The following AXIN1 variants were observed in gnomAD, a reference collection of about 807,000 sequenced individuals.
AXIN1 encodes the protein axin 1, also known as axin-1.
Under a neutral mutation model 76.4 loss-of-function variants are expected in AXIN1, and 30 were observed. That is an observed-to-expected ratio of 0.39 (90% CI 0.29 to 0.53). AXIN1 has a LOEUF of 0.53. AXIN1 is among the 20% of genes least tolerant of loss of function. The pLI is 0.66. For synonymous variants in AXIN1, 545 were observed against 501.4 expected, an observed-to-expected ratio of 1.09 and a Z score of -1.16; for missense variants, 1,140 against 1,198.8, an observed-to-expected ratio of 0.95 and a Z score of 0.72.
chr16:307,908 C>T lies in AXIN1; in HGVS notation c.1116+2065G>A, dbSNP rs572323901. 7.9e-5 allele frequency among the ~76,000 whole-genome samples: 12 copies of T among 152,334 alleles called. No homozygotes were observed. In the South Asian group the frequency reaches 1.4e-3, roughly 18 times the overall value. ...CCCAGTAGCAGCAGTGAGCAGGCCCCGGGCAGCTGTGCCCGTGATGTGGGT... is the reference window on the plus strand; with the variant it reads ...CCCAGTAGCAGCAGTGAGCAGGCCCTGGGCAGCTGTGCCCGTGATGTGGGT... On this transcript the variant is annotated intron_variant, in intron 4 of 10. Coordinates refer to ENST00000262320, the MANE Select transcript of AXIN1 (RefSeq NM_003502.4).
intron 5 of AXIN1, among the ~76,000 whole-genome samples, chr16:299,906 C>A (rs184141539): frequency 6.6e-6 from 1 of 152,068 alleles, no homozygotes; most frequent in Non-Finnish European, 1.5e-5. Flanking sequence ...CTGCCCACCT[C>A]GGCCTCCCAA....
At chr16:331,968 G>A (rs893671187) in intron 2 of AXIN1, among the ~76,000 whole-genome samples, 1 of 152,178 alleles carries the variant, frequency 6.6e-6, no homozygotes. Flanking sequence ...CTAAGGGCCC[G>A]ACCCTGACTA....
At chr16:294,817 C>G (rs1567262563) in intron 7 of AXIN1, among the ~76,000 whole-genome samples, 1 of 147,538 alleles carries the variant, frequency 6.8e-6, no homozygotes, top group Non-Finnish European at 1.5e-5. Flanking sequence ...AATCCCAGCA[C>G]TTTGGGAGGC....
rs1401880264 is a variant in AXIN1 at position 288,193 on chromosome 16, C to A, written c.2518G>T (p.Val840Phe). 4 of 1,613,756 alleles carry A rather than the reference C, an allele frequency of 2.5e-6. No homozygotes were observed. Among genetic ancestry groups the A allele is most frequent in the South Asian group, 2.2e-5 (2 of 91,092 alleles). ...GGCAGGACGGCCTCGTCCTCTCGAACCTCCTCAAACACCACCCCACAGTCA... is the reference window on the plus strand; with the variant it reads ...GGCAGGACGGCCTCGTCCTCTCGAAACTCCTCAAACACCACCCCACAGTCA... ...EFDCGVVFEE[V>F]REDEAVLPVF... The change falls in exon 11 of 11, where the codon GTT becomes TTT. Residue 840 changes from valine to phenylalanine, a missense_variant. Around this residue, in one of 3 missense-constraint regions of AXIN1, gnomAD observed 429 missense variants for 405.8 expected, o/e 1.06. Coordinates refer to ENST00000262320, the MANE Select transcript of AXIN1 (RefSeq NM_003502.4).
chr16:297,942 C>T lies in AXIN1; in HGVS notation c.1564G>A (p.Ala522Thr), dbSNP rs765663621. 1 of 1,602,368 alleles carries T rather than the reference C, an allele frequency of 6.2e-7. No homozygotes were observed. ...TGCAGGCCGGCCGCGTCCAGCTTCG[C>T]CCCTGACTTGGGTACGTGCTTCCCG... Reference protein sequence around the residue: ...GHGKHVPKSGAKLDAAGLHHH... With the variant: ...GHGKHVPKSGTKLDAAGLHHH... Residue 522 changes from alanine (A) to threonine (T), a missense_variant, in exon 6 of 11, where the codon GCG becomes ACG. Coordinates refer to ENST00000262320, the MANE Select transcript of AXIN1 (RefSeq NM_003502.4).
intron 2 of AXIN1, among the ~76,000 whole-genome samples, chr16:337,359 A>G (rs1305322364): frequency 6.6e-6 from 1 of 152,002 alleles, no homozygotes; most frequent in African/African-American, 2.4e-5. Flanking sequence ...TATGAATGCC[A>G]CTGGGCATTC....
At chr16:337,902 G>A (rs1277495917) in intron 2 of AXIN1, among the ~76,000 whole-genome samples, 3 of 152,256 alleles carry the variant, frequency 2.0e-5, no homozygotes, top group Non-Finnish European at 2.9e-5. Flanking sequence ...TTTTCACAGA[G>A]CCCTGTGACC....
At chr16:319,035 C>T (rs951308589) in intron 2 of AXIN1, among the ~76,000 whole-genome samples, 8 of 152,130 alleles carry the variant, frequency 5.3e-5, no homozygotes, top group Non-Finnish European at 8.8e-5. Context: ...CAGCCCCCCA[C>T]GCTGATGACC....
chr16:311,525 A>G (rs1432972215), intron 3 of AXIN1, among the ~76,000 whole-genome samples: 2 of 151,566 alleles, frequency 1.3e-5, no homozygotes, highest in Non-Finnish European at 2.9e-5. Context: ...TCATCCCAGC[A>G]CTGTGGGAGG....
intron 10 of AXIN1, 146 bp downstream of exon 10, chr16:289,294 G>C: frequency 3.9e-6 from 4 of 1,020,990 alleles, no homozygotes; most frequent in Non-Finnish European, 5.9e-6. Flanking sequence ...TCGAACTGCT[G>C]AGCTGAGGCA....
chr16:290,953 G>A, intron 9 of AXIN1: 1 of 583,108 alleles, frequency 1.7e-6, no homozygotes, highest in Non-Finnish European at 3.1e-6. Context: ...CAGGCCTCCA[G>A]CCGGGCCTTT....
chr16:334,172 AC>A lies in AXIN1; in HGVS notation c.878+11975del, dbSNP rs1466410280. On this transcript the variant is annotated intron_variant, in intron 2 of 10. Transcript: ENST00000262320. ...ATAACACAGCACCCAGTACCATGGC[AC>A]ACCAATAACAGCACCCAGTACCATG... 4.7e-5 allele frequency among the ~76,000 whole-genome samples: 7 copies of A among 150,136 alleles called. No individual in the cohort carries two copies. The East Asian group carries it at 1.4e-3, about 30-fold the overall frequency.
intron 10 of AXIN1, 174 bp from the exon 11 acceptor site, chr16:288,422 A>C: frequency 1.0e-6 from 1 of 953,992 alleles, no homozygotes; most frequent in Non-Finnish European, 1.6e-6. Context: ...TGCAATGACC[A>C]CATGTGGGTG....
At chr16:297,315 G>A in intron 6 of AXIN1, 89 bp from the exon 7 acceptor site, 4 of 1,558,084 alleles carry the variant, frequency 2.6e-6, no homozygotes, top group Admixed American at 1.7e-5. Context: ...CCTGGCATCT[G>A]TAAGGCTCCC....
rs539109357 is a variant in AXIN1, at chr16:321,018, T to G, written c.879-6335A>C. ...CTCCCAAAGTGCTGGGATTACAGGC[T>G]TAAGCCACTGCGCCTGCCCACAAAA... On this transcript the variant is annotated intron_variant, in intron 2 of 10. Coordinates refer to ENST00000262320, the MANE Select transcript of AXIN1 (RefSeq NM_003502.4). 5.2e-3 allele frequency among the ~76,000 whole-genome samples: 797 copies of G among 152,150 alleles called. 7 individuals carry two copies. Among genetic ancestry groups the G allele is most frequent in the African/African-American group, 0.017 (725 of 41,518 alleles).
At chr16:297,398 A>C (rs1342635085) in intron 6 of AXIN1, among the ~76,000 whole-genome samples, 172 bp from the exon 7 acceptor site, 14 of 116,568 alleles carry the variant, frequency 1.2e-4, no homozygotes, top group African/African-American at 2.3e-4. Flanking sequence ...CTTGTCCCCC[A>C]CCCGCTGTCC....
chr16:306,119 G>A (rs998648464), intron 4 of AXIN1, among the ~76,000 whole-genome samples: 3 of 151,972 alleles, frequency 2.0e-5, no homozygotes, highest in Non-Finnish European at 2.9e-5. Flanking sequence ...AGGCACATGC[G>A]TACACACACA....
At chr16:320,397 A>T (rs1156943752) in intron 2 of AXIN1, among the ~76,000 whole-genome samples, 3 of 152,186 alleles carry the variant, frequency 2.0e-5, no homozygotes, top group East Asian at 3.9e-4. Context: ...ATGCTTTAAA[A>T]GGATTCCAGC....
intron 7 of AXIN1, among the ~76,000 whole-genome samples, chr16:296,263 C>T (rs938277129): frequency 2.0e-5 from 3 of 152,264 alleles, no homozygotes; most frequent in Non-Finnish European, 4.4e-5. Context: ...CGCTCAGCTG[C>T]CTCACAAGTT....
Sources: gnomAD v4.1 joint callset for allele counts (sites outside exome capture counted in the v4.1 genomes callset) on GRCh38, gnomAD v4.1.1 for gene constraint, gnomAD v4.1.1 regional missense constraint, MANE v1.5 for transcripts, NCBI Gene and HGNC (gene_info 2026-07-23, HGNC 2026-07-21) for gene names.